Variants in MIER1 observed in about 807,000 individuals in gnomAD.
MIER1 encodes the protein MIER1 transcriptional regulator, also known as mesoderm induction early response protein 1.
Under a neutral mutation model 75.7 loss-of-function variants are expected in MIER1, and 40 were observed. The ratio of observed to expected loss-of-function variants is 0.53; its 90% CI spans 0.41 to 0.69. MIER1 has a LOEUF of 0.69. Ranked by LOEUF, MIER1 falls within the 30% of genes least tolerant of loss-of-function variation. MIER1 has a pLI of 0.00. For missense variants in MIER1, 574 were observed against 680.2 expected, an observed-to-expected ratio of 0.84 and a Z score of 1.74; for synonymous variants, 213 against 223.4, an observed-to-expected ratio of 0.95 and a Z score of 0.42.
Position 66,974,425 on chromosome 1 carries a change from GT to G in MIER1, c.1101+1444del, listed in dbSNP as rs560980878. On this transcript the variant is annotated intron_variant, in intron 11 of 13. Transcript: ENST00000401041. ...GAAAGGGACAACATTTTTGGATGAG[GT>G]TTTTTTTTTGTTGTTGTTGTTGTTG... Among the ~76,000 whole-genome samples the G allele has an allele frequency of 3.2e-4, 48 of 148,794 alleles. No homozygotes were observed. The East Asian group carries it at 7.1e-3, about 22-fold the overall frequency.
At chr1:66,925,543 C>T (rs1569962761) in intron 1 of MIER1, 1 of 985,418 alleles carries the variant, frequency 1.0e-6, no homozygotes, top group South Asian at 4.7e-5. Context: ...TGGTGAGCAG[C>T]GCCCTGGGCC....
intron 2 of MIER1, among the ~76,000 whole-genome samples, chr1:66,936,259 G>T (rs996098113): frequency 1.3e-5 from 2 of 151,882 alleles, no homozygotes; most frequent in Non-Finnish European, 2.9e-5. Context: ...CGGAGTCTCT[G>T]TTGCCCAGGC....
chr1:66,973,500 T>C (rs1340971079), intron 11 of MIER1, among the ~76,000 whole-genome samples: 2 of 152,058 alleles, frequency 1.3e-5, no homozygotes, highest in African/African-American at 4.8e-5. Context: ...CTTTATATTC[T>C]TATAGTTATA....
At chr1:66,956,725 T>A (rs1260835577) in intron 4 of MIER1, among the ~76,000 whole-genome samples, 1 of 152,248 alleles carries the variant, frequency 6.6e-6, no homozygotes, top group East Asian at 1.9e-4. Context: ...GTCTTGGAAT[T>A]GATTTATCTT....
At chr1:66,925,226 A>G in intron 1 of MIER1, 131 bp downstream of exon 1, 1 of 1,361,146 alleles carries the variant, frequency 7.3e-7, no homozygotes, top group East Asian at 3.0e-5. Context: ...AAGACCCTTA[A>G]CTTCCGGGGA....
At position 66,987,726 on chromosome 1, in the gene MIER1, G is replaced by T. The variant is rs1048720322; in HGVS notation, c.*2826G>T. 1.4e-5 allele frequency: 2 copies of T among 146,778 alleles called. No individual in the cohort carries two copies. Among genetic ancestry groups the T allele is most frequent in the East Asian group, 3.8e-4 (2 of 5,326 alleles). The allele number at this position is 146,778 out of a possible 1,614,324, so 9.1% of individuals were successfully genotyped here. On this transcript the variant is annotated 3_prime_UTR_variant, in exon 14 of 14. Coordinates refer to ENST00000401041, the MANE Select transcript of MIER1 (RefSeq NM_001077700.3). ...AGATTAATTCACTAAGATTTTATTA[G>T]AGATTGTTTGAATGATGCATGTTAT...
chr1:66,930,580 T>C (rs1232670461), intron 2 of MIER1, among the ~76,000 whole-genome samples: 1 of 151,118 alleles, frequency 6.6e-6, no homozygotes, highest in Non-Finnish European at 1.5e-5. Context: ...TTGGGATGGG[T>C]CCGGGGGTAG....
intron 12 of MIER1, among the ~76,000 whole-genome samples, chr1:66,980,265 C>T (rs543085865): frequency 1.3e-5 from 2 of 152,152 alleles, no homozygotes; most frequent in African/African-American, 4.8e-5. Flanking sequence ...AAGAAGTCTT[C>T]AAGACCATCT....
chr1:66,939,944 A>C, intron 2 of MIER1, 84 bp from the exon 3 acceptor site: 1 of 1,072,942 alleles, frequency 9.3e-7, no homozygotes, highest in South Asian at 1.3e-5. Context: ...TTGGCATCAT[A>C]GTAGTCATTG....
At chr1:66,943,196 T>G (rs1656664652) in intron 3 of MIER1, among the ~76,000 whole-genome samples, 1 of 152,092 alleles carries the variant, frequency 6.6e-6, no homozygotes, top group Admixed American at 6.6e-5. Flanking sequence ...GAGGAGAGTT[T>G]TCTCTTGAAA....
chr1:66,942,226 G>A (rs1374064374), intron 3 of MIER1, among the ~76,000 whole-genome samples: 1 of 152,160 alleles, frequency 6.6e-6, no homozygotes, highest in African/African-American at 2.4e-5. Context: ...CTGATGAAAA[G>A]GCTATATCCT....
chr1:66,982,675 T>G (rs1666137052), intron 13 of MIER1, among the ~76,000 whole-genome samples: 1 of 152,362 alleles, frequency 6.6e-6, no homozygotes, highest in South Asian at 2.1e-4. Context: ...AGCTGACTTC[T>G]TCCTGACAGA....
intron 12 of MIER1, among the ~76,000 whole-genome samples, chr1:66,977,818 A>ATAAAAAAATAATGCAAT (rs1263007256): frequency 1.7e-4 from 26 of 152,284 alleles, no homozygotes; most frequent in African/African-American, 6.3e-4. Flanking sequence ...AATAATGCAA[A>ATAAAAAAATAATGCAAT]ATAAAAAATA....
chr1:66,956,439 A>T (rs1038957075), intron 4 of MIER1, among the ~76,000 whole-genome samples: 1 of 152,166 alleles, frequency 6.6e-6, no homozygotes, highest in Non-Finnish European at 1.5e-5. Flanking sequence ...CCTTTTCATT[A>T]TATTTCTCTT....
intron 2 of MIER1, among the ~76,000 whole-genome samples, chr1:66,931,157 C>T (rs1653244148): frequency 6.6e-6 from 1 of 150,550 alleles, no homozygotes; most frequent in South Asian, 2.1e-4. Context: ...TCTTTTTGCT[C>T]GTTTTATAGT....
chr1:66,930,327 A>T (rs1263390780), intron 2 of MIER1: 2 of 1,595,992 alleles, frequency 1.3e-6, no homozygotes, highest in Admixed American at 3.4e-5. Context: ...TGAGTCTCAC[A>T]TCCGGGTTCT....
chr1:66,951,638 T>C (rs765236237), intron 4 of MIER1, among the ~76,000 whole-genome samples: 1 of 152,012 alleles, frequency 6.6e-6, no homozygotes, highest in Non-Finnish European at 1.5e-5. Context: ...TGGAGTGCAG[T>C]GGTGCAGTCA....
rs746206751 is a variant in MIER1, at chr1:66,970,973, A to C, written c.924+14A>C. 10 of 1,566,868 alleles carry C rather than the reference A, an allele frequency of 6.4e-6. No individual in the cohort carries two copies. Among genetic ancestry groups the C allele is most frequent in the Admixed American group, 2.2e-5 (1 of 45,582 alleles). On this transcript the variant is annotated intron_variant, in intron 9 of 13. Coordinates refer to ENST00000401041, the MANE Select transcript of MIER1 (RefSeq NM_001077700.3). ...GACAATGAACAGGTCTGTGAAAGAAACAACTGTTAGAACTTTGCCATACAC... is the reference window on the plus strand; with the variant it reads ...GACAATGAACAGGTCTGTGAAAGAACCAACTGTTAGAACTTTGCCATACAC...
chr1:66,971,615 T>C (rs1479141326), intron 9 of MIER1, 40 bp from the exon 10 acceptor site: 4 of 1,027,252 alleles, frequency 3.9e-6, no homozygotes, highest in South Asian at 1.4e-5. Flanking sequence ...TTGAACTGTT[T>C]ATAGTCCTTG....
Sources: gnomAD v4.1 joint callset for allele counts (sites outside exome capture counted in the v4.1 genomes callset) on GRCh38, gnomAD v4.1.1 for gene constraint, MANE v1.5 for transcripts, NCBI Gene and HGNC (gene_info 2026-07-23, HGNC 2026-07-21) for gene names.